The following ITGA1 variants were observed in gnomAD, a reference collection of about 807,000 sequenced individuals.
The protein encoded by ITGA1 is integrin alpha-1.
In ITGA1, 85 loss-of-function variants were observed where a neutral mutation model predicts 145.9. That is an observed-to-expected ratio of 0.58 (90% CI 0.49 to 0.70). The LOEUF (loss-of-function observed/expected upper bound fraction) is 0.70. Among genes scored for constraint, ITGA1 ranks in the 30% least tolerant of loss-of-function variants. The probability of loss-of-function intolerance (pLI) is 0.00; values close to 1 mark genes in which losing one functional copy is unlikely to be tolerated. For missense variants in ITGA1, 1,351 were observed against 1,418.7 expected (o/e 0.95, Z 0.77); for synonymous variants, 520 against 495.3 (o/e 1.05, Z -0.66).
At chr5:52,918,937 G>A in intron 16 of ITGA1, 39 bp downstream of exon 16, 4 of 1,508,284 alleles carry the variant, frequency 2.7e-6, no homozygotes, top group Non-Finnish European at 3.6e-6. Flanking sequence ...TTGGGTAGAG[G>A]ACAATATATT....
intron 1 of ITGA1, among the ~76,000 whole-genome samples, chr5:52,833,162 A>G (rs1419175064): frequency 6.6e-6 from 1 of 151,366 alleles, no homozygotes; most frequent in Non-Finnish European, 1.5e-5. Flanking sequence ...ACTGCACTCC[A>G]ACCTGAGTGA....
intron 26 of ITGA1, among the ~76,000 whole-genome samples, chr5:52,944,078 C>T (rs934880191): frequency 7.9e-5 from 12 of 152,282 alleles, no homozygotes; most frequent in African/African-American, 2.9e-4. Flanking sequence ...GGAATGCCTG[C>T]TTTCTCCTGG....
intron 1 of ITGA1, among the ~76,000 whole-genome samples, chr5:52,792,189 G>T (rs1336043143): frequency 1.3e-5 from 2 of 152,132 alleles, no homozygotes; most frequent in Non-Finnish European, 1.5e-5. Flanking sequence ...GAAACATTTT[G>T]GTTGGCCTAG....
Position 52,952,709 on chromosome 5 carries a change from A to T in ITGA1, c.*258A>T, listed in dbSNP as rs1167220160. ...AAGCAAAATTACAAAGTGTTTTTAAAAAAACCTGTACAAATATGTTTATGT... is the reference window on the plus strand; with the variant it reads ...AAGCAAAATTACAAAGTGTTTTTAATAAAACCTGTACAAATATGTTTATGT... On this transcript the variant is annotated 3_prime_UTR_variant, in exon 29 of 29. Coordinates refer to ENST00000282588, the MANE Select transcript of ITGA1 (RefSeq NM_181501.2). 1 of 195,386 alleles carries T rather than the reference A, an allele frequency of 5.1e-6. No homozygotes were observed. Among genetic ancestry groups the T allele is most frequent in the African/African-American group, 2.3e-5 (1 of 43,140 alleles). 12.1% of individuals were successfully genotyped at this position (195,386 alleles called of 1,614,324 possible). A position where few individuals can be genotyped will look rare whatever the true frequency, so the allele number is the denominator to read the frequency against.
chr5:52,792,684 A>G (rs1748265076), intron 1 of ITGA1, among the ~76,000 whole-genome samples: 1 of 152,190 alleles, frequency 6.6e-6, no homozygotes, highest in Admixed American at 6.5e-5. Flanking sequence ...AGTAGAATAA[A>G]GTAGCTCATG....
At chr5:52,855,355 A>G (rs1749496722) in intron 2 of ITGA1, among the ~76,000 whole-genome samples, 1 of 152,124 alleles carries the variant, frequency 6.6e-6, no homozygotes, top group Non-Finnish European at 1.5e-5. Context: ...AAAAAAAAAG[A>G]TTTTACAATC....
At chr5:52,864,270 C>G (rs1016343794) in intron 3 of ITGA1, among the ~76,000 whole-genome samples, 1 of 152,116 alleles carries the variant, frequency 6.6e-6, no homozygotes, top group African/African-American at 2.4e-5. Context: ...CTCTAATATT[C>G]CTCTAGTTTC....
chr5:52,825,889 G>C (rs1748952909), intron 1 of ITGA1, among the ~76,000 whole-genome samples: 2 of 148,464 alleles, frequency 1.3e-5, no homozygotes, highest in African/African-American at 5.0e-5. Flanking sequence ...CTGCACTCCA[G>C]CCTGGGTAAC....
chr5:52,916,899 T>C (rs1279369734), intron 15 of ITGA1, among the ~76,000 whole-genome samples: 2 of 152,246 alleles, frequency 1.3e-5, no homozygotes, highest in Non-Finnish European at 2.9e-5. Flanking sequence ...TTCAAGGCTT[T>C]CTTGCAAAGC....
intron 6 of ITGA1, among the ~76,000 whole-genome samples, chr5:52,875,922 G>C (rs1284642213): frequency 6.6e-6 from 1 of 151,684 alleles, no homozygotes; most frequent in Non-Finnish European, 1.5e-5. Flanking sequence ...TTTCTAGGAT[G>C]ACTTAAACTC....
chr5:52,821,031 C>T (rs944849161), intron 1 of ITGA1, among the ~76,000 whole-genome samples: 1 of 152,106 alleles, frequency 6.6e-6, no homozygotes, highest in African/African-American at 2.4e-5. Flanking sequence ...TGTGTATGTG[C>T]ATGTGTTTCT....
intron 1 of ITGA1, chr5:52,801,944 T>G (rs754031674): frequency 1.3e-6 from 1 of 785,990 alleles, no homozygotes; most frequent in Non-Finnish European, 2.0e-6. Flanking sequence ...ACTTTTTGAT[T>G]CATACAGGGA....
At chr5:52,890,421 AT>A (rs1364896462) in intron 8 of ITGA1, among the ~76,000 whole-genome samples, 1 of 152,220 alleles carries the variant, frequency 6.6e-6, no homozygotes, top group Non-Finnish European at 1.5e-5. Context: ...TTGAAGTGAT[AT>A]TTACAATACA....
chr5:52,944,840 C>A, intron 26 of ITGA1, 103 bp from the exon 27 acceptor site: 1 of 764,738 alleles, frequency 1.3e-6, no homozygotes, highest in Non-Finnish European at 2.1e-6. Flanking sequence ...AATTTTTAAT[C>A]TCTCAGAAAA....
chr5:52,803,257 A>G (rs1243782131), intron 1 of ITGA1: 1 of 152,176 alleles, frequency 6.6e-6, no homozygotes, highest in Non-Finnish European at 1.5e-5. Flanking sequence ...AAACTCACAT[A>G]TGTATATTTT....
chr5:52,896,373 A>G (rs1041042487), intron 9 of ITGA1, among the ~76,000 whole-genome samples: 2 of 152,314 alleles, frequency 1.3e-5, no homozygotes, highest in African/African-American at 2.4e-5. Flanking sequence ...GACTGAAAAT[A>G]CATGTTTAAA....
intron 1 of ITGA1, chr5:52,801,653 C>T (rs776874829): frequency 6.2e-7 from 1 of 1,614,114 alleles, no homozygotes; most frequent in South Asian, 1.1e-5. Flanking sequence ...CAGGATGTAG[C>T]CACACGGAGC....
Position 52,946,650 on chromosome 5 carries a change from C to T in ITGA1, c.3379-695C>T, listed in dbSNP as rs564226635. Reference sequence around the variant, plus strand: ...TTTTTCAAATCCCCCAGGGATGAGACACAGAGCAGATAGGTTTCATTGAGG... The same window carrying T: ...TTTTTCAAATCCCCCAGGGATGAGATACAGAGCAGATAGGTTTCATTGAGG... On this transcript the variant is annotated intron_variant, in intron 27 of 28. Coordinates refer to ENST00000282588, the MANE Select transcript of ITGA1 (RefSeq NM_181501.2). Among the ~76,000 whole-genome samples the T allele has an allele frequency of 2.6e-5, 4 of 151,970 alleles. No homozygotes were observed. The South Asian group carries it at 6.3e-4, about 24-fold the overall frequency.
At chr5:52,849,555 A>T (rs1200038648) in intron 2 of ITGA1, 70 bp downstream of exon 2, 4 of 1,294,694 alleles carry the variant, frequency 3.1e-6, no homozygotes, top group Non-Finnish European at 3.1e-6. Flanking sequence ...ATTTGACTAC[A>T]GTTTCTTTTA....
Sources: gnomAD v4.1 joint callset for allele counts (sites outside exome capture counted in the v4.1 genomes callset) on GRCh38, gnomAD v4.1.1 for gene constraint, MANE v1.5 for transcripts, NCBI Gene and HGNC (gene_info 2026-07-23, HGNC 2026-07-21) for gene names.